The following OPTN variants were observed in gnomAD, a reference collection of about 807,000 sequenced individuals.
OPTN encodes optineurin.
A neutral mutation model predicts 70.4 loss-of-function variants in OPTN; 54 were observed. The observed-to-expected ratio is 0.77, with a 90% CI of 0.62 to 0.96. OPTN has a LOEUF of 0.96. Among genes scored for constraint, OPTN ranks in the 40% least tolerant of loss-of-function variants. OPTN has a pLI of 0.00. For synonymous variants in OPTN, 256 were observed against 248.5 expected, an observed-to-expected ratio of 1.03 and a Z score of -0.28; for missense variants, 624 against 673.2, an observed-to-expected ratio of 0.93 and a Z score of 0.81.
At chr10:13,115,645 A>G (rs1226699640) in intron 5 of OPTN, among the ~76,000 whole-genome samples, 2 of 139,240 alleles carry the variant, frequency 1.4e-5, no homozygotes, top group African/African-American at 2.6e-5. Context: ...AATATATTAT[A>G]TATATATTTA....
intron 4 of OPTN, among the ~76,000 whole-genome samples, chr10:13,111,131 A>G (rs983272205): frequency 6.6e-6 from 1 of 152,154 alleles, no homozygotes; most frequent in Admixed American, 6.6e-5. Flanking sequence ...TCTGCTGTCC[A>G]TGCCAAGTGT....
intron 4 of OPTN, among the ~76,000 whole-genome samples, 159 bp from the exon 5 acceptor site, chr10:13,112,293 AG>A (rs1833025537): frequency 6.6e-6 from 1 of 150,704 alleles, no homozygotes; most frequent in East Asian, 2.0e-4. Context: ...TTTTTTGTAA[AG>A]ATGGGGGTCT....
intron 11 of OPTN, among the ~76,000 whole-genome samples, chr10:13,126,283 CT>C (rs61018153): frequency 1.3e-3 from 178 of 138,986 alleles, no homozygotes; most frequent in Admixed American, 1.3e-3. Flanking sequence ...CTTCGTATTT[CT>C]TTTTTTTTTT....
intron 1 of OPTN, chr10:13,104,700 G>T: frequency 1.4e-6 from 1 of 689,802 alleles, no homozygotes; most frequent in Non-Finnish European, 2.7e-6. Flanking sequence ...AAGGGATCAA[G>T]TCCCTGCAAT....
At position 13,109,200 on chromosome 10, in the gene OPTN, C is replaced by T. The variant is rs1588433321; in HGVS notation, c.78C>T (p.His26=). Reference sequence around the variant, plus strand: ...AAAGCACAGGAAATGGACCCCCCCACCTGGCCCACCCAAACCTGGACACGT... The same window carrying T: ...AAAGCACAGGAAATGGACCCCCCCATCTGGCCCACCCAAACCTGGACACGT... ...PSESTGNGPP[H]LAHPNLDTFT... The change falls in exon 3 of 15, where the codon CAC becomes CAT. Residue 26 remains histidine, a synonymous_variant. Transcript: ENST00000378747. 1.2e-6 allele frequency: 2 copies of T among 1,614,002 alleles called. No homozygotes were observed. The highest frequency in any genetic ancestry group is 1.7e-5 in the Admixed American group (1 of 60,016).
At chr10:13,131,354 A>G (rs1407363068) in intron 12 of OPTN, 3 of 152,544 alleles carry the variant, frequency 2.0e-5, no homozygotes, top group South Asian at 2.1e-4. Context: ...GGAGGGAAAC[A>G]TACAAGGTGA....
At chr10:13,136,607 C>G in intron 14 of OPTN, 138 bp from the exon 15 acceptor site, 1 of 953,936 alleles carries the variant, frequency 1.0e-6, no homozygotes, top group South Asian at 1.5e-5. Context: ...AGTTAAAGAC[C>G]AAACACCTGT....
Position 13,112,451 on chromosome 10 carries a change from AG to A in OPTN, c.370del. ...ATTCACTTTACTCCTTGTCATCTCC[AG>A]GACCCCACTGATGACTCCAGGCTTC... On this transcript the variant is annotated splice_acceptor_variant, in intron 4 of 14. Coordinates refer to ENST00000378747, the MANE Select transcript of OPTN (RefSeq NM_001008212.2). LOFTEE classifies it high-confidence loss of function. 3 of 1,613,838 alleles carry A rather than the reference AG, an allele frequency of 1.9e-6. No individual in the cohort carries two copies. The highest frequency in any genetic ancestry group is 2.5e-6 in the Non-Finnish European group (3 of 1,179,882).
chr10:13,125,300 A>G, intron 9 of OPTN, 118 bp from the exon 10 acceptor site: 1 of 1,094,890 alleles, frequency 9.1e-7, no homozygotes, highest in Non-Finnish European at 1.4e-6. Context: ...TTCATTTTGC[A>G]TTCATAAACC....
rs1300954103 is a variant in OPTN at position 13,117,088 on chromosome 10, T to TTTC, written c.626+750_626+751insCTT. On this transcript the variant is annotated intron_variant, in intron 6 of 14. Coordinates refer to ENST00000378747, the MANE Select transcript of OPTN (RefSeq NM_001008212.2). ...AAGAACTCTAAGGATCTCTTTTTTT[T>TTTC]TTTTTTTTTTGAGACGGAATCTTGT... 2.1e-4 allele frequency among the ~76,000 whole-genome samples: 31 copies of TTTC among 148,730 alleles called. 1 individual carries two copies. The highest frequency in any genetic ancestry group is 1.6e-4 in the Non-Finnish European group (11 of 67,030).
chr10:13,127,942 C>T (rs1441830498), intron 12 of OPTN, 39 bp downstream of exon 12: 5 of 1,607,630 alleles, frequency 3.1e-6, no homozygotes, highest in Non-Finnish European at 4.3e-6. Context: ...GCGAGGCCAG[C>T]CCTGACTGTA....
intron 1 of OPTN, among the ~76,000 whole-genome samples, chr10:13,106,863 T>C (rs1160015772): frequency 1.3e-5 from 2 of 152,184 alleles, no homozygotes; most frequent in African/African-American, 4.8e-5. Context: ...ATATCATGTG[T>C]AATGGATTCT....
At chr10:13,132,684 C>A (rs891870201) in intron 13 of OPTN, among the ~76,000 whole-genome samples, 11 of 152,096 alleles carry the variant, frequency 7.2e-5, no homozygotes, top group African/African-American at 2.7e-4. Flanking sequence ...GCACTTGTAA[C>A]AATAATGTTA....
chr10:13,119,904 T>G (rs1196766048), intron 7 of OPTN, among the ~76,000 whole-genome samples: 1 of 152,234 alleles, frequency 6.6e-6, no homozygotes, highest in Non-Finnish European at 1.5e-5. Flanking sequence ...TGTCTTTTTA[T>G]GTTGAATTAT....
chr10:13,130,424 C>CAAAAAAA (rs1178080754), intron 12 of OPTN, among the ~76,000 whole-genome samples: 1 of 51,754 alleles, frequency 1.9e-5, no homozygotes, highest in Non-Finnish European at 3.3e-5. Context: ...GACTCTATCT[C>CAAAAAAA]AAAAAAAAAA....
intron 8 of OPTN, 77 bp from the exon 9 acceptor site, chr10:13,123,918 C>G (rs1833404939): frequency 9.7e-7 from 1 of 1,027,762 alleles, no homozygotes; most frequent in East Asian, 2.4e-5. Context: ...AATGGTTCAG[C>G]CTGTTTTCTC....
At chr10:13,116,369 G>A (rs772415859) in intron 6 of OPTN, 29 bp downstream of exon 6, 7 of 1,565,336 alleles carry the variant, frequency 4.5e-6, no homozygotes, top group African/African-American at 1.4e-5. Flanking sequence ...GGGCTGTCAG[G>A]CAGACAGGCT....
chr10:13,122,408 C>T lies in OPTN; in HGVS notation c.803C>T (p.Thr268Ile), dbSNP rs1229345438. 10 of 1,613,430 alleles carry T rather than the reference C, an allele frequency of 6.2e-6. No homozygotes were observed. Among genetic ancestry groups the T allele is most frequent in the Non-Finnish European group, 8.5e-6 (10 of 1,179,468 alleles). ...AGAGTTTCAGATTTTGAAAAGAAAACAAGTAATCGTTCTGAGATTGAAACC... is the reference window on the plus strand; with the variant it reads ...AGAGTTTCAGATTTTGAAAAGAAAATAAGTAATCGTTCTGAGATTGAAACC... ...KERVSDFEKK[T>I]SNRSEIETQT... The change falls in exon 8 of 15, where the codon ACA becomes ATA. Residue 268 changes from threonine (T) to isoleucine (I), a missense_variant. By Grantham distance (89) the Thr-to-Ile change is moderately conservative. Transcript: ENST00000378747.
At chr10:13,130,782 A>G (rs1291829030) in intron 12 of OPTN, among the ~76,000 whole-genome samples, 2 of 152,210 alleles carry the variant, frequency 1.3e-5, no homozygotes, top group African/African-American at 2.4e-5. Flanking sequence ...TTTTAAACAT[A>G]GAAAGTGAAA....
Sources: allele counts gnomAD v4.1 joint callset (sites outside exome capture counted in the v4.1 genomes callset), GRCh38; gene constraint gnomAD v4.1.1; transcripts MANE v1.5; gene names NCBI Gene and HGNC (gene_info 2026-07-23, HGNC 2026-07-21).